Variants in GPATCH2 observed in about 807,000 individuals in gnomAD.
The protein encoded by GPATCH2 is G-patch domain containing 2.
Under a neutral mutation model 58.0 loss-of-function variants are expected in GPATCH2, and 51 were observed. The ratio of observed to expected loss-of-function variants is 0.88; its 90% CI spans 0.70 to 1.11. The LOEUF (loss-of-function observed/expected upper bound fraction) is 1.11. Among genes scored for constraint, GPATCH2 ranks in the 50% most tolerant of loss-of-function variants. The probability of loss-of-function intolerance (pLI) is 0.00; values close to 1 mark genes in which losing one functional copy is unlikely to be tolerated. For missense variants in GPATCH2, 625 were observed against 652.2 expected, an observed-to-expected ratio of 0.96 and a Z score of 0.45; for synonymous variants, 222 against 218.5, an observed-to-expected ratio of 1.02 and a Z score of -0.14.
At chr1:217,564,571 T>C (rs1666117706) in intron 5 of GPATCH2, among the ~76,000 whole-genome samples, 1 of 152,200 alleles carries the variant, frequency 6.6e-6, no homozygotes, top group East Asian at 1.9e-4. Context: ...TTTGAAAACA[T>C]ACTCAAAATG....
At chr1:217,502,633 T>C (rs1338348887) in intron 6 of GPATCH2, among the ~76,000 whole-genome samples, 1 of 152,062 alleles carries the variant, frequency 6.6e-6, no homozygotes, top group Non-Finnish European at 1.5e-5. Flanking sequence ...ACTGAAGTCT[T>C]TCCTCAAATA....
At chr1:217,590,909 T>C (rs1055311895) in intron 5 of GPATCH2, among the ~76,000 whole-genome samples, 1 of 152,188 alleles carries the variant, frequency 6.6e-6, no homozygotes, top group Admixed American at 6.5e-5. Flanking sequence ...ATCATGGATC[T>C]GGGAGAGGTT....
chr1:217,583,180 T>C lies in GPATCH2; in HGVS notation c.1098+27141A>G, dbSNP rs532965497. 1.4e-3 allele frequency among the ~76,000 whole-genome samples: 214 copies of C among 152,274 alleles called. 1 individual carries two copies. The highest frequency in any genetic ancestry group is 7.5e-3 in the South Asian group (36 of 4,824). ...AGAACCGAAGATATTACCTGTAATGTGGCACACACAAAAAAACAATGAAAT... is the reference window on the plus strand; with the variant it reads ...AGAACCGAAGATATTACCTGTAATGCGGCACACACAAAAAAACAATGAAAT... On this transcript the variant is annotated intron_variant, in intron 5 of 9. Coordinates refer to ENST00000366935, the MANE Select transcript of GPATCH2 (RefSeq NM_018040.5).
intron 8 of GPATCH2, among the ~76,000 whole-genome samples, chr1:217,488,575 C>A (rs993372224): frequency 6.6e-6 from 1 of 152,116 alleles, no homozygotes; most frequent in South Asian, 2.1e-4. Flanking sequence ...CATTATATTT[C>A]AGGTGTGTCT....
intron 5 of GPATCH2, among the ~76,000 whole-genome samples, chr1:217,548,473 T>C (rs1665182799): frequency 6.6e-6 from 1 of 152,226 alleles, no homozygotes; most frequent in Non-Finnish European, 1.5e-5. Flanking sequence ...CTCTCAATCT[T>C]CGCAAAATCA....
chr1:217,477,982 G>C (rs1661040452), intron 8 of GPATCH2, among the ~76,000 whole-genome samples: 1 of 152,178 alleles, frequency 6.6e-6, no homozygotes, highest in Non-Finnish European at 1.5e-5. Context: ...CTGGGAGAAA[G>C]TAAGGGAAGA....
chr1:217,489,054 GCTTT>G (rs552419806), intron 8 of GPATCH2, among the ~76,000 whole-genome samples: 3 of 150,362 alleles, frequency 2.0e-5, no homozygotes, highest in South Asian at 4.2e-4. Flanking sequence ...CTAATTTTAT[GCTTT>G]CTATGTATCT....
At chr1:217,589,026 T>C (rs1481971605) in intron 5 of GPATCH2, among the ~76,000 whole-genome samples, 2 of 152,202 alleles carry the variant, frequency 1.3e-5, no homozygotes, top group African/African-American at 2.4e-5. Context: ...TGAGCAATTA[T>C]GAACAGGCCA....
At chr1:217,533,288 G>A (rs1005014228) in intron 5 of GPATCH2, among the ~76,000 whole-genome samples, 3 of 152,168 alleles carry the variant, frequency 2.0e-5, no homozygotes, top group Middle Eastern at 3.4e-3. Context: ...TTTTGTTTAT[G>A]CGGATTATAT....
intron 9 of GPATCH2, among the ~76,000 whole-genome samples, chr1:217,444,306 C>T (rs913925618): frequency 1.3e-5 from 2 of 152,104 alleles, no homozygotes; most frequent in Non-Finnish European, 2.9e-5. Flanking sequence ...TCCCTGTCCA[C>T]GGGGGAACTA....
chr1:217,539,606 G>C (rs1031029181), intron 5 of GPATCH2, among the ~76,000 whole-genome samples: 1 of 152,120 alleles, frequency 6.6e-6, no homozygotes, highest in East Asian at 1.9e-4. Context: ...TCAAACACTT[G>C]AATTTAAATT....
At chr1:217,564,496 C>T (rs913853275) in intron 5 of GPATCH2, among the ~76,000 whole-genome samples, 1 of 151,696 alleles carries the variant, frequency 6.6e-6, no homozygotes, top group African/African-American at 2.4e-5. Flanking sequence ...TTCTCCGGCA[C>T]GGCAAATACT....
chr1:217,577,738 TA>T (rs749288484), intron 5 of GPATCH2, among the ~76,000 whole-genome samples: 2,788 of 151,132 alleles, frequency 0.018, 39 homozygotes, highest in Middle Eastern at 0.09. Flanking sequence ...TGGTTTTACT[TA>T]TTATTATTAT....
At chr1:217,460,284 T>G (rs933483056) in intron 8 of GPATCH2, among the ~76,000 whole-genome samples, 1 of 152,222 alleles carries the variant, frequency 6.6e-6, no homozygotes, top group African/African-American at 2.4e-5. Flanking sequence ...TTTTCCCCCG[T>G]ACCTTACTAC....
intron 8 of GPATCH2, among the ~76,000 whole-genome samples, chr1:217,450,421 G>A (rs1659607298): frequency 2.6e-5 from 4 of 151,894 alleles, no homozygotes; most frequent in African/African-American, 9.7e-5. Context: ...TACTCATATG[G>A]TTAAATATAA....
chr1:217,630,766 G>A (rs1669714234), intron 1 of GPATCH2, 150 bp downstream of exon 1: 4 of 582,334 alleles, frequency 6.9e-6, no homozygotes, highest in South Asian at 2.3e-5. Context: ...CTCAAACTGC[G>A]TGCATCCCAG....
At chr1:217,614,235 A>T in intron 2 of GPATCH2, 33 bp from the exon 3 acceptor site, 2 of 1,269,550 alleles carry the variant, frequency 1.6e-6, no homozygotes, top group Non-Finnish European at 2.3e-6. Flanking sequence ...AACAGATCAA[A>T]AGAACAATTG....
At chr1:217,601,235 T>C (rs962544734) in intron 5 of GPATCH2, among the ~76,000 whole-genome samples, 2 of 152,106 alleles carry the variant, frequency 1.3e-5, no homozygotes, top group African/African-American at 2.4e-5. Flanking sequence ...AAATGCTATA[T>C]AAATATTTAG....
intron 5 of GPATCH2, among the ~76,000 whole-genome samples, chr1:217,523,262 G>GT: frequency 6.6e-6 from 1 of 151,730 alleles, no homozygotes; most frequent in South Asian, 2.1e-4. Flanking sequence ...TGGAGGGAAG[G>GT]TCAGCAGATA....
Sources: gnomAD v4.1 joint callset for allele counts (sites outside exome capture counted in the v4.1 genomes callset) on GRCh38, gnomAD v4.1.1 for gene constraint, MANE v1.5 for transcripts, NCBI Gene and HGNC (gene_info 2026-07-23, HGNC 2026-07-21) for gene names.